MCMBP: variants seen among roughly 807,000 people sequenced by gnomAD.
MCMBP encodes the protein mini-chromosome maintenance complex-binding protein.
A neutral mutation model predicts 81.3 loss-of-function variants in MCMBP; 31 were observed. The observed-to-expected ratio is 0.38, with a 90% CI of 0.29 to 0.51. The LOEUF (loss-of-function observed/expected upper bound fraction) is 0.51, where lower values mean the gene tolerates loss of function less well. Ranked by LOEUF, MCMBP falls within the 20% of genes least tolerant of loss-of-function variation. The pLI is 0.87. For synonymous variants in MCMBP, 267 were observed against 275.9 expected, an observed-to-expected ratio of 0.97 and a Z score of 0.32; for missense variants, 645 against 772.1, an observed-to-expected ratio of 0.84 and a Z score of 1.95.
intron 4 of MCMBP, 56 bp downstream of exon 4, chr10:119,858,828 T>A: frequency 7.8e-7 from 1 of 1,274,294 alleles, no homozygotes; most frequent in Non-Finnish European, 1.1e-6. Context: ...AAACAAATTC[T>A]CTGTTTAGGA....
At chr10:119,831,912 C>A (rs1193537180) in intron 15 of MCMBP, 100 bp downstream of exon 15, 4 of 1,248,288 alleles carry the variant, frequency 3.2e-6, no homozygotes, top group Non-Finnish European at 3.4e-6. Flanking sequence ...AGGAAAAGTT[C>A]ATTTCCGTTT....
At chr10:119,847,533 T>C (rs1852660089) in intron 8 of MCMBP, 80 bp downstream of exon 8, 2 of 792,290 alleles carry the variant, frequency 2.5e-6, no homozygotes, top group African/African-American at 3.6e-5. Context: ...GGGAGTTCTT[T>C]AAAACCATCC....
At chr10:119,863,871 T>G (rs923776885) in intron 1 of MCMBP, among the ~76,000 whole-genome samples, 1 of 151,642 alleles carries the variant, frequency 6.6e-6, no homozygotes, top group African/African-American at 2.4e-5. Context: ...GGATAGTTTG[T>G]GGCTGTGATC....
intron 14 of MCMBP, 27 bp downstream of exon 14, chr10:119,835,513 A>G (rs200088792): frequency 3.6e-5 from 58 of 1,591,314 alleles, no homozygotes; most frequent in Non-Finnish European, 4.5e-5. Flanking sequence ...CAACACAGGG[A>G]AATCCTTTAT....
At chr10:119,867,829 T>A (rs1017696799) in intron 1 of MCMBP, among the ~76,000 whole-genome samples, 2 of 152,126 alleles carry the variant, frequency 1.3e-5, no homozygotes, top group African/African-American at 4.8e-5. Flanking sequence ...ATAAATTAAC[T>A]TTTTTCAGTG....
intron 1 of MCMBP, among the ~76,000 whole-genome samples, chr10:119,865,116 G>A (rs1486477663): frequency 2.1e-5 from 3 of 139,640 alleles, no homozygotes; most frequent in African/African-American, 4.9e-5. Flanking sequence ...TGAGAGAGGA[G>A]TAGTAAAATA....
chr10:119,847,779 A>C, intron 7 of MCMBP, 66 bp from the exon 8 acceptor site: 1 of 866,942 alleles, frequency 1.2e-6, no homozygotes, highest in Non-Finnish European at 1.8e-6. Context: ...TTAGTCTTGA[A>C]GTACCAATAT....
chr10:119,847,214 G>C (rs1252221356), intron 8 of MCMBP, among the ~76,000 whole-genome samples: 1 of 152,146 alleles, frequency 6.6e-6, no homozygotes, highest in Admixed American at 6.5e-5. Flanking sequence ...CCCTGGACTG[G>C]GGGATGCAGA....
intron 1 of MCMBP, among the ~76,000 whole-genome samples, chr10:119,865,852 G>A (rs1853432684): frequency 6.6e-6 from 1 of 152,018 alleles, no homozygotes; most frequent in South Asian, 2.1e-4. Flanking sequence ...GAGGCGGGAG[G>A]GTCACTTGAG....
intron 1 of MCMBP, among the ~76,000 whole-genome samples, chr10:119,864,299 C>T (rs1853371505): frequency 6.6e-6 from 1 of 152,210 alleles, no homozygotes; most frequent in Middle Eastern, 3.2e-3. Flanking sequence ...TAAATAAAAA[C>T]CTTTTGTTTT....
chr10:119,867,876 TGGGTACAGACAATAA>T (rs1037500686), intron 1 of MCMBP, among the ~76,000 whole-genome samples: 2 of 152,140 alleles, frequency 1.3e-5, no homozygotes, highest in Non-Finnish European at 2.9e-5. Flanking sequence ...AGGTCCAAGC[TGGGTACAGACAATAA>T]GGGCACAGAT....
chr10:119,853,486 C>A (rs535258140), intron 5 of MCMBP, among the ~76,000 whole-genome samples: 34 of 152,322 alleles, frequency 2.2e-4, no homozygotes, highest in Non-Finnish European at 3.7e-4. Flanking sequence ...AGGAGAAACA[C>A]AGCAGGTAAA....
At chr10:119,844,390 TAAC>T (rs1039073260) in intron 8 of MCMBP, among the ~76,000 whole-genome samples, 1 of 152,170 alleles carries the variant, frequency 6.6e-6, no homozygotes, top group Non-Finnish European at 1.5e-5. Flanking sequence ...ACAAGCATAA[TAAC>T]CTTTTCCATA....
At chr10:119,843,716 C>T (rs1022440517) in intron 8 of MCMBP, among the ~76,000 whole-genome samples, 1 of 151,904 alleles carries the variant, frequency 6.6e-6, no homozygotes, top group Admixed American at 6.6e-5. Flanking sequence ...GGCTGGAGTG[C>T]AGTGATGCGA....
intron 11 of MCMBP, among the ~76,000 whole-genome samples, chr10:119,840,048 A>G (rs1313156195): frequency 1.3e-5 from 2 of 152,200 alleles, no homozygotes; most frequent in African/African-American, 4.8e-5. Flanking sequence ...AGTTGTTTTT[A>G]TAAAAATATT....
rs149731992 is a variant in MCMBP, at chr10:119,838,494, G to A, written c.1408+41C>T. 482 of 1,578,902 alleles carry A rather than the reference G, an allele frequency of 3.1e-4. 1 individual carries two copies. The African/African-American group carries it at 5.0e-3, about 17-fold the overall frequency. On this transcript the variant is annotated intron_variant, in intron 12 of 15. Coordinates refer to ENST00000369077, the MANE Select transcript of MCMBP (RefSeq NM_001256378.2). Reference sequence around the variant, plus strand: ...TTATTCCTAGATCTGGCTTTAGTGCGAAGGAAGTCAGAAATGGAAGAGAAA... The same window carrying A: ...TTATTCCTAGATCTGGCTTTAGTGCAAAGGAAGTCAGAAATGGAAGAGAAA...
At chr10:119,872,460 G>A (rs1190898204) in intron 1 of MCMBP, 67 bp downstream of exon 1, 24 of 988,918 alleles carry the variant, frequency 2.4e-5, no homozygotes, top group Non-Finnish European at 2.7e-5. Flanking sequence ...CCGCGCGGCG[G>A]GGCCCTGCCC....
intron 12 of MCMBP, 85 bp downstream of exon 12, chr10:119,838,450 A>G: frequency 2.2e-6 from 3 of 1,336,572 alleles, no homozygotes; most frequent in East Asian, 2.3e-5. Flanking sequence ...GAATTTGTCC[A>G]TAGATACTCT....
chr10:119,831,517 G>A lies in MCMBP; in HGVS notation c.1880C>T (p.Thr627Met), dbSNP rs148689302. 9.9e-6 allele frequency: 16 copies of A among 1,613,966 alleles called. No homozygotes were observed. The highest frequency in any genetic ancestry group is 9.3e-5 in the African/African-American group (7 of 75,020). ...CACACATTTTTGCTGCTGAAGCCTC[G>A]TTCTTCTTAAAGACTCTAGCTGCTT... ...RAKQLESLRR[T>M]RLQQQKCVNG... The change falls in exon 16 of 16, where the codon ACG (threonine) becomes ATG (methionine). Residue 627 changes from threonine (T) to methionine (M), a missense_variant. Coordinates refer to ENST00000369077, the MANE Select transcript of MCMBP (RefSeq NM_001256378.2).
Sources: allele counts gnomAD v4.1 joint callset (sites outside exome capture counted in the v4.1 genomes callset), GRCh38; gene constraint gnomAD v4.1.1; transcripts MANE v1.5; gene names NCBI Gene and HGNC (gene_info 2026-07-23, HGNC 2026-07-21).